Variants in PLB1 observed in about 807,000 individuals in gnomAD.
The protein encoded by PLB1 is phospholipase B1.
PLB1 carries 242 observed loss-of-function variants against 227.4 expected under a neutral mutation model. The ratio of observed to expected loss-of-function variants is 1.06; its 90% CI spans 0.96 to 1.18. PLB1 has a LOEUF of 1.18. PLB1 is among the 50% of genes most tolerant of loss of function. The pLI is 0.00. For synonymous variants in PLB1, 757 were observed against 682.2 expected, an observed-to-expected ratio of 1.11 and a Z score of -1.71; for missense variants, 1,858 against 1,816.3, an observed-to-expected ratio of 1.02 and a Z score of -0.42.
At chr2:28,549,147 T>C (rs1203860505) in intron 15 of PLB1, among the ~76,000 whole-genome samples, 2 of 152,192 alleles carry the variant, frequency 1.3e-5, no homozygotes, top group Non-Finnish European at 2.9e-5. Context: ...CCTCCATGCC[T>C]GTGGAAGGCA....
At chr2:28,522,574 T>G (rs991751063) in intron 4 of PLB1, among the ~76,000 whole-genome samples, 5 of 152,104 alleles carry the variant, frequency 3.3e-5, no homozygotes, top group African/African-American at 1.2e-4. Context: ...GACTCTCGGG[T>G]CCTTCTGCCT....
intron 50 of PLB1, among the ~76,000 whole-genome samples, chr2:28,625,841 ACTTT>A (rs1477174898): frequency 6.6e-6 from 1 of 151,444 alleles, no homozygotes; most frequent in Non-Finnish European, 1.5e-5. Flanking sequence ...CAGGGACACA[ACTTT>A]CTTAAGATTT....
intron 12 of PLB1, among the ~76,000 whole-genome samples, chr2:28,541,468 A>G (rs1186133071): frequency 6.6e-6 from 1 of 152,216 alleles, no homozygotes; most frequent in East Asian, 1.9e-4. Flanking sequence ...TCCAGAGAAT[A>G]TATTTTAGGT....
intron 13 of PLB1, 94 bp from the exon 14 acceptor site, chr2:28,543,118 C>A: frequency 7.3e-7 from 1 of 1,369,084 alleles, no homozygotes; most frequent in Non-Finnish European, 1.0e-6. Flanking sequence ...CAGGCTGCCC[C>A]AACTCTATGC....
At chr2:28,544,213 G>T (rs1429789243) in intron 14 of PLB1, among the ~76,000 whole-genome samples, 3 of 152,248 alleles carry the variant, frequency 2.0e-5, no homozygotes, top group African/African-American at 7.2e-5. Flanking sequence ...GTCCTTTGAA[G>T]AAGGCATTTG....
chr2:28,538,950 A>C lies in PLB1; in HGVS notation c.619-149A>C, dbSNP rs1254858109. 12 of 664,758 alleles carry C rather than the reference A, an allele frequency of 1.8e-5. No individual in the cohort carries two copies. In the South Asian group the frequency reaches 1.8e-4, roughly 10 times the overall value. The allele number at this position is 664,758 out of a possible 1,614,324, so 41.2% of individuals were successfully genotyped here. On this transcript the variant is annotated intron_variant, in intron 10 of 57. Coordinates refer to ENST00000327757, the MANE Select transcript of PLB1 (RefSeq NM_153021.5). The stretch of plus-strand genomic sequence containing the variant: ...GGCAGCGCAGACTGACCCTGACCAA[A>C]CATCTCCCAAAGGATCAGGCCCAGT...
At chr2:28,583,145 C>A (rs11895227) in intron 25 of PLB1, among the ~76,000 whole-genome samples, 7,059 of 152,092 alleles carry the variant, frequency 0.046, 381 homozygotes, top group African/African-American at 0.13. Flanking sequence ...GCTGAGCATC[C>A]CTCATCCGAA....
At chr2:28,586,419 A>T (rs1273925532) in intron 26 of PLB1, among the ~76,000 whole-genome samples, 1 of 152,196 alleles carries the variant, frequency 6.6e-6, no homozygotes, top group African/African-American at 2.4e-5. Context: ...TCTCTACCAC[A>T]TCTTTGACCA....
chr2:28,535,814 G>A (rs191260551), intron 9 of PLB1, among the ~76,000 whole-genome samples: 6 of 152,240 alleles, frequency 3.9e-5, no homozygotes, highest in African/African-American at 7.2e-5. Context: ...CTAGCTACTC[G>A]GGAGGCTGAG....
In PLB1 at chr2:28,625,113, G is replaced by A; in HGVS notation, c.3579+5G>A. 1 of 1,611,400 alleles carries A rather than the reference G, an allele frequency of 6.2e-7. No homozygotes were observed. The stretch of plus-strand genomic sequence containing the variant: ...GAGCGAATGAAAAACAGCCCCGTGA[G>A]TACAGGCCCCCAGGCCACCCCTGAA... On this transcript the variant is annotated splice_donor_5th_base_variant and intron_variant, in intron 50 of 57. Transcript: ENST00000327757.
chr2:28,615,862 G>A (rs1686131703), intron 44 of PLB1, among the ~76,000 whole-genome samples: 1 of 152,196 alleles, frequency 6.6e-6, no homozygotes, highest in African/African-American at 2.4e-5. Flanking sequence ...AGAAGGGCGT[G>A]TGTTTGTTTT....
chr2:28,549,392 A>T (rs1462973601), intron 15 of PLB1, among the ~76,000 whole-genome samples: 1 of 150,700 alleles, frequency 6.6e-6, no homozygotes, highest in Non-Finnish European at 1.5e-5. Context: ...ATAACTGGAC[A>T]TAAATGAATG....
chr2:28,560,118 T>A (rs6728960), intron 17 of PLB1, among the ~76,000 whole-genome samples: 2 of 152,030 alleles, frequency 1.3e-5, no homozygotes, highest in African/African-American at 4.8e-5. Flanking sequence ...TTTATCCTTC[T>A]TAAGCACTTA....
chr2:28,615,993 T>C (rs1341154097), intron 44 of PLB1, among the ~76,000 whole-genome samples: 1 of 152,242 alleles, frequency 6.6e-6, no homozygotes, highest in Non-Finnish European at 1.5e-5. Context: ...AAATACTACA[T>C]GTTCTCACCA....
At chr2:28,513,816 G>A (rs1219866221) in intron 1 of PLB1, among the ~76,000 whole-genome samples, 7 of 152,136 alleles carry the variant, frequency 4.6e-5, no homozygotes, top group Admixed American at 4.6e-4. Flanking sequence ...CCTCTTTTGA[G>A]CCCTATTAAA....
Position 28,620,897 on chromosome 2 carries a change from A to G in PLB1, c.3446A>G (p.Asn1149Ser). 6.2e-7 allele frequency: 1 copy of G among 1,613,884 alleles called. No individual in the cohort carries two copies. Residue 1149 changes from asparagine (N) to serine (S), a missense_variant, in exon 49 of 58, where the codon AAC (asparagine) becomes AGC (serine). Asn to Ser is a conservative substitution (Grantham distance 46). Coordinates refer to ENST00000327757, the MANE Select transcript of PLB1 (RefSeq NM_153021.5). The part of the protein sequence containing the change: ...TTLPNILKKF[N>S]PYLLGFSTST... ...TCTAAAGACATTCTGAAGAAGTTCA[A>G]CCCTTACCTCCTTGGCTTCTCTACC...
At position 28,614,067 on chromosome 2, in the gene PLB1, T is replaced by C. The variant is rs937934471; in HGVS notation, c.3166T>C (p.Tyr1056His). The stretch of plus-strand genomic sequence containing the variant: ...CCTGAGAACCCCTCGGAATAGTAAC[T>C]ACACGTACCCCATCAAGCCAGCCAT... ...PFLRTPRNSN[Y>H]TYPIKPAIEN... The change falls in exon 44 of 58, where the codon TAC becomes CAC. Residue 1056 changes from tyrosine to histidine, a missense_variant. By Grantham distance (83) the Tyr-to-His change is moderately conservative (BLOSUM62 2). Transcript: ENST00000327757. 5.6e-6 allele frequency: 9 copies of C among 1,613,260 alleles called. No homozygotes were observed. Among genetic ancestry groups the C allele is most frequent in the African/African-American group, 5.3e-5 (4 of 74,972 alleles).
intron 43 of PLB1, among the ~76,000 whole-genome samples, chr2:28,609,699 C>A (rs946585083): frequency 3.3e-5 from 5 of 150,426 alleles, no homozygotes; most frequent in African/African-American, 1.2e-4. Context: ...TAAATAGGAA[C>A]TAATTCTTTG....
At chr2:28,564,480 T>C (rs1323199881) in intron 18 of PLB1, among the ~76,000 whole-genome samples, 5 of 152,246 alleles carry the variant, frequency 3.3e-5, no homozygotes, top group African/African-American at 1.2e-4. Context: ...CATACACTGC[T>C]TATCCCAACC....
Sources: gnomAD v4.1 joint callset for allele counts (sites outside exome capture counted in the v4.1 genomes callset) on GRCh38, gnomAD v4.1.1 for gene constraint, MANE v1.5 for transcripts, NCBI Gene and HGNC (gene_info 2026-07-23, HGNC 2026-07-21) for gene names.